WNT7A: variants seen among roughly 807,000 people sequenced by gnomAD.
The protein encoded by WNT7A is protein Wnt-7a.
In WNT7A, 16 loss-of-function variants were observed where a neutral mutation model predicts 28.2. The ratio of observed to expected loss-of-function variants is 0.57; its 90% CI spans 0.38 to 0.86. WNT7A has a LOEUF of 0.86. Among genes scored for constraint, WNT7A ranks in the 40% least tolerant of loss-of-function variants. The pLI is 0.00. For synonymous variants in WNT7A, 190 were observed against 195.9 expected, an observed-to-expected ratio of 0.97 and a Z score of 0.25; for missense variants, 411 against 489.7, an observed-to-expected ratio of 0.84 and a Z score of 1.52.
chr3:13,848,257 G>C (rs948103376), intron 3 of WNT7A, among the ~76,000 whole-genome samples: 5 of 152,170 alleles, frequency 3.3e-5, no homozygotes, highest in African/African-American at 1.2e-4. Flanking sequence ...CTTTTACTCT[G>C]TGAGAGACCC....
intron 3 of WNT7A, among the ~76,000 whole-genome samples, chr3:13,824,279 C>T (rs61173309): frequency 0.026 from 3,953 of 152,240 alleles, 207 homozygotes; most frequent in South Asian, 0.23. Flanking sequence ...CCCAGGCAGC[C>T]GCTAATCTAC....
At chr3:13,823,184 G>A (rs1333580336) in intron 3 of WNT7A, among the ~76,000 whole-genome samples, 1 of 152,212 alleles carries the variant, frequency 6.6e-6, no homozygotes. Context: ...GAGGGACAAA[G>A]CTGCACTCTG....
intron 3 of WNT7A, among the ~76,000 whole-genome samples, chr3:13,826,811 T>G (rs1444603813): frequency 6.6e-6 from 1 of 152,136 alleles, no homozygotes; most frequent in Non-Finnish European, 1.5e-5. Context: ...AAGATTGAAA[T>G]TGACCACAAG....
intron 3 of WNT7A, among the ~76,000 whole-genome samples, chr3:13,837,538 G>GTGAATGAATGAATGAA (rs59047870): frequency 6.7e-5 from 10 of 149,890 alleles, no homozygotes; most frequent in East Asian, 2.0e-4. Flanking sequence ...TTCTGGGTGA[G>GTGAATGAATGAATGAA]TGAATGAATG....
At chr3:13,856,904 AGAAGAAGAAGAAGAAG>A (rs2124861920) in intron 2 of WNT7A, among the ~76,000 whole-genome samples, 1 of 64,864 alleles carries the variant, frequency 1.5e-5, no homozygotes, top group Admixed American at 1.6e-4. Flanking sequence ...AAGAAGAAGA[AGAAGAAGAAGAAGAAG>A]AAGAAGAAGA....
Position 13,818,350 on chromosome 3 carries a change from G to GAAAAAAAAAAAAAAAAA in WNT7A, c.*593_*594insTTTTTTTTTTTTTTTTT, listed in dbSNP as rs1491270987. On this transcript the variant is annotated 3_prime_UTR_variant, in exon 4 of 4. Transcript: ENST00000285018. ...ATTTCTGGATAAGTAGCAGCAAACA[G>GAAAAAAAAAAAAAAAAA]CAAAAAAAAAAAAAAAAATGTGTGT... 5.5e-5 allele frequency: 1 copy of GAAAAAAAAAAAAAAAAA among 18,158 alleles called. No individual in the cohort carries two copies. Among genetic ancestry groups the GAAAAAAAAAAAAAAAAA allele is most frequent in the Non-Finnish European group, 9.2e-5 (1 of 10,812 alleles). The allele number at this position is 18,158 out of a possible 1,614,324, so 1.1% of individuals were successfully genotyped here. A position where few individuals can be genotyped will look rare whatever the true frequency, so the allele number is the denominator to read the frequency against.
chr3:13,836,358 C>A (rs954898461), intron 3 of WNT7A, among the ~76,000 whole-genome samples: 1 of 152,198 alleles, frequency 6.6e-6, no homozygotes, highest in African/African-American at 2.4e-5. Flanking sequence ...CAGCAGCATC[C>A]GCACGCTCTC....
chr3:13,849,378 T>C (rs532072621), intron 3 of WNT7A, among the ~76,000 whole-genome samples: 1 of 152,332 alleles, frequency 6.6e-6, no homozygotes, highest in East Asian at 1.9e-4. Flanking sequence ...TGTGCAATAG[T>C]TTGGACGTAC....
intron 3 of WNT7A, among the ~76,000 whole-genome samples, chr3:13,853,065 A>G (rs1694665317): frequency 6.8e-6 from 1 of 146,832 alleles, no homozygotes; most frequent in Admixed American, 6.8e-5. Context: ...CACTCAAAGT[A>G]GCCCTCTGCC....
chr3:13,877,285 A>T (rs913840866), intron 1 of WNT7A: 7 of 152,248 alleles, frequency 4.6e-5, no homozygotes, highest in African/African-American at 1.7e-4. Flanking sequence ...AGGCTCACAG[A>T]GGTTGGGACC....
chr3:13,818,954 G>T lies in WNT7A; in HGVS notation c.1040C>A (p.Thr347Lys). The T allele has an allele frequency of 6.3e-7, 1 of 1,575,508 alleles. No homozygotes were observed. Among genetic ancestry groups the T allele is most frequent in the Middle Eastern group, 1.7e-4 (1 of 5,786 alleles). ...GTGTGCACACGGGGCTCACTTGCAC[G>T]TGTACATCTCCGTGCGCTCGCTGCA... ...NTCSERTEMY[T>K]CK The change falls in exon 4 of 4, where the codon ACG becomes AAG. Residue 347 changes from threonine to lysine, a missense_variant. Thr to Lys is a moderately conservative substitution (Grantham distance 78). Transcript: ENST00000285018.
Position 13,879,775 on chromosome 3 carries a change from G to C in WNT7A, c.42C>G (p.Leu14=). The change falls in exon 1 of 4, where the codon CTC becomes CTG. Residue 14 remains leucine, a synonymous_variant. Transcript: ENST00000285018. The stretch of plus-strand genomic sequence containing the variant: ...TCCGGAGGTAGACCATGCCCAGGCT[G>C]AGAAAGAGGTGGCCCAGGCAGCGCC... ...KARRCLGHLF[L]SLGMVYLRIG... The C allele has an allele frequency of 6.2e-7, 1 of 1,612,758 alleles. No homozygotes were observed.
At chr3:13,846,430 C>T (rs1244114175) in intron 3 of WNT7A, among the ~76,000 whole-genome samples, 1 of 152,170 alleles carries the variant, frequency 6.6e-6, no homozygotes, top group Non-Finnish European at 1.5e-5. Context: ...CCCAGCACAG[C>T]ACCTGCCAGC....
Position 13,875,090 on chromosome 3 carries a change from C to T in WNT7A, c.155G>A (p.Cys52Tyr). 1 of 1,614,204 alleles carries T rather than the reference C, an allele frequency of 6.2e-7. No homozygotes were observed. Among genetic ancestry groups the T allele is most frequent in the Non-Finnish European group, 8.5e-7 (1 of 1,180,042 alleles). Residue 52 changes from cysteine to tyrosine, a missense_variant, in exon 2 of 4, where the codon TGC (cysteine) becomes TAC (tyrosine). Cys to Tyr is a radical substitution (Grantham distance 194). Transcript: ENST00000285018. ...GATGATGGCGTCGGGCCGGCTCTGG[C>T]AGATCGCCCGCTGTCTGGGAGCCAG... is the stretch of plus-strand genomic sequence containing the variant. Reference protein sequence around the residue: ...PGLAPRQRAICQSRPDAIIVI... With the variant: ...PGLAPRQRAIYQSRPDAIIVI...
rs1172160539 is a variant in WNT7A, at chr3:13,834,262, T to C, written c.571-14839A>G. ...CCTATTGATTGGAGATACACAGTCA[T>C]GTGTGGGTGAAATAACAAGCTGTCT... On this transcript the variant is annotated intron_variant, in intron 3 of 3. Coordinates refer to ENST00000285018, the MANE Select transcript of WNT7A (RefSeq NM_004625.4). Among the ~76,000 whole-genome samples, 6 of 152,210 alleles carry C rather than the reference T, an allele frequency of 3.9e-5. No homozygotes were observed. The South Asian group carries it at 8.3e-4, about 21-fold the overall frequency.
chr3:13,836,818 G>C (rs1251426627), intron 3 of WNT7A, among the ~76,000 whole-genome samples: 4 of 152,256 alleles, frequency 2.6e-5, no homozygotes, highest in Admixed American at 2.6e-4. Flanking sequence ...CGAGGGAAGG[G>C]TATCACCTGT....
intron 2 of WNT7A, among the ~76,000 whole-genome samples, chr3:13,869,674 G>A (rs1695000065): frequency 7.6e-6 from 1 of 131,008 alleles, no homozygotes; most frequent in African/African-American, 2.9e-5. Flanking sequence ...AAGGAGGGAG[G>A]GAGGGAGGAA....
At chr3:13,878,013 G>A (rs2124881999) in intron 1 of WNT7A, among the ~76,000 whole-genome samples, 1 of 152,336 alleles carries the variant, frequency 6.6e-6, no homozygotes, top group East Asian at 1.9e-4. Flanking sequence ...GGCGCAGGGA[G>A]CAGCAGGGCC....
At chr3:13,868,169 G>A (rs1694941330) in intron 2 of WNT7A, among the ~76,000 whole-genome samples, 1 of 152,052 alleles carries the variant, frequency 6.6e-6, no homozygotes. Flanking sequence ...GTTGTGTTGG[G>A]GGTAAATTCG....
Sources: allele counts gnomAD v4.1 joint callset (sites outside exome capture counted in the v4.1 genomes callset), GRCh38; gene constraint gnomAD v4.1.1; transcripts MANE v1.5; gene names NCBI Gene and HGNC (gene_info 2026-07-23, HGNC 2026-07-21).